Variants in NKAIN1 observed in about 807,000 individuals in gnomAD.
The protein encoded by NKAIN1 is sodium/potassium-transporting ATPase subunit beta-1-interacting protein 1.
A neutral mutation model predicts 31.6 loss-of-function variants in NKAIN1; 13 were observed. That is an observed-to-expected ratio of 0.41 (90% CI 0.27 to 0.65). NKAIN1 has a LOEUF of 0.65. Ranked by LOEUF, NKAIN1 falls within the 30% of genes least tolerant of loss-of-function variation. The pLI is 0.30. For synonymous variants in NKAIN1, 104 were observed against 109.0 expected (o/e 0.95, Z 0.28); for missense variants, 193 against 262.2 (o/e 0.74, Z 1.82).
intron 2 of NKAIN1, among the ~76,000 whole-genome samples, chr1:31,185,981 A>G (rs865997415): frequency 2.0e-5 from 3 of 151,500 alleles, no homozygotes; most frequent in South Asian, 2.1e-4. Context: ...TAGTCCTAGC[A>G]CTTTGGGAGG....
At chr1:31,198,735 ATTAT>A (rs1355068692) in intron 1 of NKAIN1, among the ~76,000 whole-genome samples, 1 of 133,320 alleles carries the variant, frequency 7.5e-6, no homozygotes, top group African/African-American at 2.9e-5. Flanking sequence ...CCCACCCCTA[ATTAT>A]TTATTTATCA....
At chr1:31,186,926 G>A (rs1436641457) in intron 2 of NKAIN1, among the ~76,000 whole-genome samples, 1 of 152,160 alleles carries the variant, frequency 6.6e-6, no homozygotes, top group East Asian at 1.9e-4. Flanking sequence ...TCCACCCACG[G>A]TAGTGAGCTG....
At chr1:31,223,434 GTTTGT>G (rs1156851481) in intron 1 of NKAIN1, among the ~76,000 whole-genome samples, 1 of 151,582 alleles carries the variant, frequency 6.6e-6, no homozygotes, top group Admixed American at 6.6e-5. Flanking sequence ...TGCTGGTACT[GTTTGT>G]TTTGTTTTGT....
intron 1 of NKAIN1, among the ~76,000 whole-genome samples, chr1:31,214,481 AC>A (rs1250357920): frequency 6.6e-6 from 1 of 151,908 alleles, no homozygotes; most frequent in Non-Finnish European, 1.5e-5. Flanking sequence ...AAAGAAAAAA[AC>A]CAGAAACGGA....
chr1:31,183,418 G>T (rs1053956349), intron 4 of NKAIN1, among the ~76,000 whole-genome samples: 18 of 138,308 alleles, frequency 1.3e-4, no homozygotes, highest in Non-Finnish European at 2.0e-4. Flanking sequence ...ACAGGCGGAA[G>T]ACCTAGGTTC....
Position 31,239,476 on chromosome 1 carries a change from TG to T in NKAIN1, c.54+17del. 2 of 1,440,244 alleles carry T rather than the reference TG, an allele frequency of 1.4e-6. No homozygotes were observed. The highest frequency in any genetic ancestry group is 1.5e-5 in the African/African-American group (1 of 67,208). 89.2% of individuals were successfully genotyped at this position (1,440,244 alleles called of 1,614,324 possible). A position where few individuals can be genotyped will look rare whatever the true frequency, so the allele number is the denominator to read the frequency against. On this transcript the variant is annotated intron_variant, in intron 1 of 6. Coordinates refer to ENST00000373736, the MANE Select transcript of NKAIN1 (RefSeq NM_024522.3). The surrounding 1 kb of genome is among the most constrained non-coding windows in gnomAD (Gnocchi z 4.8). ...CGCGCCCCACCCTGCCCCGACTGCC[TG>T]GGCACGCGACGCTTACCAGCTGCAG... is the stretch of plus-strand genomic sequence containing the variant.
chr1:31,182,713 T>A, intron 4 of NKAIN1, 123 bp from the exon 5 acceptor site: 2 of 896,270 alleles, frequency 2.2e-6, no homozygotes, highest in Non-Finnish European at 3.5e-6. Flanking sequence ...AGGCAAACCG[T>A]AACAACTTCC....
At chr1:31,207,139 T>C (rs527574916) in intron 1 of NKAIN1, among the ~76,000 whole-genome samples, 5 of 152,230 alleles carry the variant, frequency 3.3e-5, no homozygotes, top group Non-Finnish European at 7.3e-5. Context: ...TCTTGCTGCT[T>C]GTTCCCCAAG....
chr1:31,214,367 T>C (rs560641582), intron 1 of NKAIN1, among the ~76,000 whole-genome samples: 85 of 151,778 alleles, frequency 5.6e-4, no homozygotes, highest in Non-Finnish European at 1.0e-3. Context: ...TGGTGATGGC[T>C]GCACAACTTT....
chr1:31,228,579 T>A (rs531281687), intron 1 of NKAIN1, among the ~76,000 whole-genome samples: 9 of 151,422 alleles, frequency 5.9e-5, no homozygotes, highest in Admixed American at 2.0e-4. Flanking sequence ...ATCCACTACA[T>A]GTCCAAGCAG....
At chr1:31,229,889 A>C (rs933924692) in intron 1 of NKAIN1, among the ~76,000 whole-genome samples, 2 of 152,154 alleles carry the variant, frequency 1.3e-5, no homozygotes, top group African/African-American at 4.8e-5. Flanking sequence ...CCCCATACAG[A>C]GCAAGAGAGA....
intron 1 of NKAIN1, among the ~76,000 whole-genome samples, chr1:31,194,378 TTTTC>T (rs1645307844): frequency 6.6e-6 from 1 of 151,166 alleles, no homozygotes; most frequent in Non-Finnish European, 1.5e-5. Flanking sequence ...TCCCTTCCCT[TTTTC>T]TTTCCTTTTT....
intron 1 of NKAIN1, among the ~76,000 whole-genome samples, chr1:31,207,869 C>T (rs565573032): frequency 3.9e-5 from 6 of 152,098 alleles, no homozygotes; most frequent in Non-Finnish European, 7.4e-5. Context: ...TGTCATTTTA[C>T]ATACATGGAT....
chr1:31,193,078 T>C (rs1328831779), intron 1 of NKAIN1, among the ~76,000 whole-genome samples: 2 of 151,396 alleles, frequency 1.3e-5, no homozygotes, highest in South Asian at 4.2e-4. Context: ...TTTATTTTTT[T>C]ATTTTTTTGA....
chr1:31,188,293 G>T, intron 1 of NKAIN1, 106 bp from the exon 2 acceptor site: 1 of 1,259,570 alleles, frequency 7.9e-7, no homozygotes, highest in South Asian at 1.5e-5. Flanking sequence ...ATGGTGATGA[G>T]GCATAAGCCT....
In NKAIN1 at chr1:31,181,582, G is replaced by A. The variant is rs1039218564; in HGVS notation, c.*121C>T. The stretch of plus-strand genomic sequence containing the variant: ...CCGCATCTCCAGATGCAGACGCGGG[G>A]TTGGGCACAGGCTGCAGTGAGCGCG... On this transcript the variant is annotated 3_prime_UTR_variant, in exon 7 of 7. Transcript: ENST00000373736. 4.4e-6 allele frequency: 4 copies of A among 910,520 alleles called. No homozygotes were observed. Among genetic ancestry groups the A allele is most frequent in the Non-Finnish European group, 6.0e-6 (4 of 661,848 alleles). The allele number at this position is 910,520 out of a possible 1,614,324, so 56.4% of individuals were successfully genotyped here. A position where few individuals can be genotyped will look rare whatever the true frequency, so the allele number is the denominator to read the frequency against.
Position 31,196,631 on chromosome 1 carries a change from A to G in NKAIN1, c.55-8444T>C, listed in dbSNP as rs143482236. On this transcript the variant is annotated intron_variant, in intron 1 of 6. Coordinates refer to ENST00000373736, the MANE Select transcript of NKAIN1 (RefSeq NM_024522.3). ...GAATCAACCTCCACCAGGAGGTGGG[A>G]GTTGCAGTGAGCCAAGATCACACCA... Among the ~76,000 whole-genome samples, 637 of 151,308 alleles carry G rather than the reference A, an allele frequency of 4.2e-3. 38 individuals carry two copies. The East Asian group carries it at 0.099, about 24-fold the overall frequency.
At chr1:31,181,992 A>T in intron 5 of NKAIN1, 51 bp from the exon 6 acceptor site, 2 of 1,537,740 alleles carry the variant, frequency 1.3e-6, no homozygotes, top group Non-Finnish European at 1.8e-6. Flanking sequence ...GGGCGAGGAG[A>T]GGGAGACTGG....
intron 1 of NKAIN1, among the ~76,000 whole-genome samples, chr1:31,196,264 A>T (rs918908245): frequency 1.3e-5 from 2 of 152,160 alleles, no homozygotes; most frequent in African/African-American, 4.8e-5. Context: ...CTGTAATCCC[A>T]GCACTTTGGG....
Sources: gnomAD v4.1 joint callset for allele counts (sites outside exome capture counted in the v4.1 genomes callset) on GRCh38, gnomAD v4.1.1 for gene constraint, Gnocchi (gnomAD v3.1) non-coding constraint, MANE v1.5 for transcripts, NCBI Gene and HGNC (gene_info 2026-07-23, HGNC 2026-07-21) for gene names.